STAG1: variants seen among roughly 807,000 people sequenced by gnomAD.
The protein encoded by STAG1 is STAG1 cohesin complex component.
A neutral mutation model predicts 170.9 loss-of-function variants in STAG1; 26 were observed. That is an observed-to-expected ratio of 0.15 (90% CI 0.11 to 0.21). The LOEUF (loss-of-function observed/expected upper bound fraction) is 0.21, where lower values mean the gene tolerates loss of function less well. Ranked by LOEUF, STAG1 falls within the 10% of genes least tolerant of loss-of-function variation. The pLI, the probability that STAG1 is intolerant of heterozygous loss-of-function variation, is 1.00. For synonymous variants in STAG1, 514 were observed against 497.7 expected, an observed-to-expected ratio of 1.03 and a Z score of -0.44; for missense variants, 964 against 1,509.5, an observed-to-expected ratio of 0.64 and a Z score of 5.99.
intron 1 of STAG1, among the ~76,000 whole-genome samples, chr3:136,650,703 G>T (rs57840312): frequency 0.011 from 1,711 of 152,210 alleles, 22 homozygotes; most frequent in African/African-American, 0.04. Flanking sequence ...AGCGATTACA[G>T]CCTAGCTATA....
chr3:136,577,860 A>G (rs1937512560), intron 4 of STAG1, among the ~76,000 whole-genome samples: 1 of 152,096 alleles, frequency 6.6e-6, no homozygotes, highest in African/African-American at 2.4e-5. Flanking sequence ...CGCACTTACT[A>G]GAGATTCCAG....
intron 22 of STAG1, among the ~76,000 whole-genome samples, chr3:136,386,149 AAT>A (rs1232148984): frequency 5.9e-5 from 9 of 152,150 alleles, no homozygotes; most frequent in African/African-American, 1.7e-4. Flanking sequence ...CAGCCTGGAC[AAT>A]ATGGTGAAAC....
At chr3:136,422,176 T>G (rs1165062674) in intron 19 of STAG1, among the ~76,000 whole-genome samples, 1 of 129,794 alleles carries the variant, frequency 7.7e-6, no homozygotes. Flanking sequence ...AAAAAAAAAT[T>G]TCTTGAAAGA....
At chr3:136,484,320 T>C (rs1200389070) in intron 9 of STAG1, among the ~76,000 whole-genome samples, 1 of 150,714 alleles carries the variant, frequency 6.6e-6, no homozygotes, top group Non-Finnish European at 1.5e-5. Flanking sequence ...GCTGCAGGTC[T>C]GTTGGAATAC....
chr3:136,678,182 GA>G (rs1340152073), intron 1 of STAG1, among the ~76,000 whole-genome samples: 1 of 147,532 alleles, frequency 6.8e-6, no homozygotes, highest in East Asian at 2.0e-4. Context: ...ACTTTATTAA[GA>G]AAAAAATCGA....
At chr3:136,545,507 AG>A (rs1248408281) in intron 5 of STAG1, among the ~76,000 whole-genome samples, 2 of 152,240 alleles carry the variant, frequency 1.3e-5, no homozygotes, top group Non-Finnish European at 2.9e-5. Flanking sequence ...AAAACTGAGA[AG>A]GATTCACTAA....
intron 8 of STAG1, among the ~76,000 whole-genome samples, chr3:136,502,130 A>G (rs1179009455): frequency 6.6e-6 from 1 of 151,966 alleles, no homozygotes; most frequent in East Asian, 1.9e-4. Context: ...GTGAGTTGAG[A>G]TCGCACCATT....
At chr3:136,457,875 C>T (rs1252664884) in intron 13 of STAG1, among the ~76,000 whole-genome samples, 2 of 151,992 alleles carry the variant, frequency 1.3e-5, no homozygotes, top group Non-Finnish European at 2.9e-5. Context: ...ATGGGAGGAT[C>T]GCTTGAGCTT....
chr3:136,415,673 C>G lies in STAG1; in HGVS notation c.2196+2212G>C, dbSNP rs115557364. On this transcript the variant is annotated intron_variant, in intron 21 of 33. Transcript: ENST00000383202. The stretch of plus-strand genomic sequence containing the variant: ...CCAACATGGGGAAACCTCGTCTCCA[C>G]TAAAACCCAAAAATTAGCCCAGCGT... Among the ~76,000 whole-genome samples, 327 of 152,208 alleles carry G rather than the reference C, an allele frequency of 2.1e-3. 2 individuals carry two copies. The highest frequency in any genetic ancestry group is 4.0e-3 in the Non-Finnish European group (269 of 68,014).
chr3:136,537,511 T>C (rs1273416422), intron 6 of STAG1, among the ~76,000 whole-genome samples: 1 of 150,940 alleles, frequency 6.6e-6, no homozygotes, highest in African/African-American at 2.4e-5. Context: ...TTTTGTTTTT[T>C]TTTTTTTGAG....
intron 14 of STAG1, among the ~76,000 whole-genome samples, chr3:136,448,466 T>C (rs768535670): frequency 4.6e-5 from 7 of 152,184 alleles, no homozygotes; most frequent in East Asian, 1.9e-4. Context: ...GGAAATCCCA[T>C]TGATAAAAAC....
intron 6 of STAG1, among the ~76,000 whole-genome samples, chr3:136,527,088 A>C (rs192365334): frequency 5.9e-5 from 9 of 152,202 alleles, no homozygotes; most frequent in Admixed American, 2.0e-4. Context: ...TGCTCTTCTC[A>C]AGGAGTATCT....
intron 1 of STAG1, among the ~76,000 whole-genome samples, chr3:136,690,056 C>CAAAAAAAAAA (rs57082567): frequency 1.7e-3 from 98 of 56,066 alleles, no homozygotes; most frequent in East Asian, 2.4e-3. Context: ...AAAAGCAAAC[C>CAAAAAAAAAA]AAAAAAAAAA....
At chr3:136,525,709 T>C (rs1934976937) in intron 6 of STAG1, among the ~76,000 whole-genome samples, 1 of 152,258 alleles carries the variant, frequency 6.6e-6, no homozygotes, top group Non-Finnish European at 1.5e-5. Flanking sequence ...TTTAGATCTT[T>C]CCTGCTTTCT....
intron 22 of STAG1, among the ~76,000 whole-genome samples, chr3:136,389,545 A>G (rs1212906665): frequency 6.6e-6 from 1 of 151,974 alleles, no homozygotes; most frequent in East Asian, 1.9e-4. Context: ...TCTGAGATGG[A>G]TTCTTGCTTT....
chr3:136,715,135 G>A (rs1223764854), intron 1 of STAG1, among the ~76,000 whole-genome samples: 1 of 144,124 alleles, frequency 6.9e-6, no homozygotes, highest in Non-Finnish European at 1.5e-5. Flanking sequence ...TCTGGTTCTT[G>A]ACCCAGATAA....
intron 5 of STAG1, among the ~76,000 whole-genome samples, chr3:136,551,180 T>TG (rs1936364371): frequency 7.2e-6 from 1 of 139,600 alleles, no homozygotes; most frequent in African/African-American, 2.7e-5. Flanking sequence ...TTTTTTTTTT[T>TG]GAGAGAGAGA....
In STAG1 at chr3:136,664,266, A is replaced by C. The variant is rs562930127; in HGVS notation, c.-83-33285T>G. On this transcript the variant is annotated intron_variant, in intron 1 of 33. Transcript: ENST00000383202. ...TAGTTATAGATTTACAAGTTAATAT[A>C]CATGTGTGTACTAAATTGCAATGTA... 5.9e-5 allele frequency among the ~76,000 whole-genome samples: 9 copies of C among 152,332 alleles called. No individual in the cohort carries two copies. The South Asian group carries it at 1.0e-3, about 18-fold the overall frequency.
At chr3:136,443,927 T>A (rs2088703420) in intron 14 of STAG1, among the ~76,000 whole-genome samples, 4 of 152,308 alleles carry the variant, frequency 2.6e-5, no homozygotes, top group Admixed American at 2.0e-4. Context: ...CATTCCTTAC[T>A]CCACCCCCAT....
Sources: gnomAD v4.1 joint callset for allele counts (sites outside exome capture counted in the v4.1 genomes callset) on GRCh38, gnomAD v4.1.1 for gene constraint, MANE v1.5 for transcripts, NCBI Gene and HGNC (gene_info 2026-07-23, HGNC 2026-07-21) for gene names.